Variants in CCDC68 observed in about 807,000 individuals in gnomAD.
CCDC68 encodes the protein coiled-coil domain-containing protein 68.
Under a neutral mutation model 47.1 loss-of-function variants are expected in CCDC68, and 45 were observed. The ratio of observed to expected loss-of-function variants is 0.96; its 90% CI spans 0.75 to 1.23. The LOEUF (loss-of-function observed/expected upper bound fraction) is 1.23, where lower values mean the gene tolerates loss of function less well. CCDC68 is among the 50% of genes most tolerant of loss of function. The pLI is 0.00. For synonymous variants in CCDC68, 131 were observed against 129.5 expected, an observed-to-expected ratio of 1.01 and a Z score of -0.08; for missense variants, 353 against 373.6, an observed-to-expected ratio of 0.94 and a Z score of 0.45.
intron 10 of CCDC68, among the ~76,000 whole-genome samples, chr18:54,908,677 G>C (rs576880834): frequency 6.6e-6 from 1 of 152,134 alleles, no homozygotes; most frequent in Non-Finnish European, 1.5e-5. Context: ...CTAGTGCCTG[G>C]CACAGATTTT....
chr18:54,910,797 A>T (rs1914315148), intron 10 of CCDC68, among the ~76,000 whole-genome samples: 1 of 152,176 alleles, frequency 6.6e-6, no homozygotes, highest in South Asian at 2.1e-4. Context: ...GCATGCACAC[A>T]CCCAGCTGAG....
At chr18:54,949,076 C>A (rs548013966) in intron 1 of CCDC68, among the ~76,000 whole-genome samples, 1 of 152,346 alleles carries the variant, frequency 6.6e-6, no homozygotes, top group South Asian at 2.1e-4. Context: ...TTACTTCAAC[C>A]TCTACTTCCT....
rs1208307128 is a variant in CCDC68, at chr18:54,929,075, T to C, written c.601-193A>G. On this transcript the variant is annotated intron_variant, in intron 7 of 11. Coordinates refer to ENST00000591504, the MANE Select transcript of CCDC68 (RefSeq NM_025214.3). ...ACATAGTTCAACTATAGGCCAAAAATAGTTGTCTTCACTCTCTCACCTGCC... is the reference window on the plus strand; with the variant it reads ...ACATAGTTCAACTATAGGCCAAAAACAGTTGTCTTCACTCTCTCACCTGCC... 2.6e-5 allele frequency among the ~76,000 whole-genome samples: 4 copies of C among 152,190 alleles called. No homozygotes were observed. The South Asian group carries it at 8.3e-4, about 32-fold the overall frequency.
intron 1 of CCDC68, among the ~76,000 whole-genome samples, chr18:54,951,635 A>C (rs1269388412): frequency 6.6e-6 from 1 of 152,168 alleles, no homozygotes; most frequent in African/African-American, 2.4e-5. Context: ...CTAAGCCTCA[A>C]CTTCTTGGGC....
intron 10 of CCDC68, among the ~76,000 whole-genome samples, chr18:54,912,365 A>G (rs1212573520): frequency 6.6e-6 from 1 of 152,230 alleles, no homozygotes; most frequent in Non-Finnish European, 1.5e-5. Flanking sequence ...AAACTGGCTA[A>G]GAAGAATTAA....
At position 54,928,755 on chromosome 18, in the gene CCDC68, A is replaced by G. The variant is rs375523292; in HGVS notation, c.683+45T>C. On this transcript the variant is annotated intron_variant, in intron 8 of 11. Transcript: ENST00000591504. The stretch of plus-strand genomic sequence containing the variant: ...CCTGGCTGGCATACCAGTGGACAGG[A>G]AAGAAATCAGGAACTGCCTTTACTT... 32 of 1,279,222 alleles carry G rather than the reference A, an allele frequency of 2.5e-5. No individual in the cohort carries two copies. The African/African-American group carries it at 4.4e-4, about 18-fold the overall frequency. The allele number at this position is 1,279,222 out of a possible 1,614,324, so 79.2% of individuals were successfully genotyped here.
intron 7 of CCDC68, among the ~76,000 whole-genome samples, chr18:54,929,605 G>A (rs1257657547): frequency 6.6e-6 from 1 of 152,112 alleles, no homozygotes; most frequent in African/African-American, 2.4e-5. Context: ...TGATGGTTTA[G>A]GTTGCCAAGT....
At chr18:54,922,166 T>C (rs1274379269) in intron 8 of CCDC68, among the ~76,000 whole-genome samples, 2 of 152,138 alleles carry the variant, frequency 1.3e-5, no homozygotes, top group African/African-American at 4.8e-5. Context: ...GTATTCACAT[T>C]AGATTTCAGT....
At position 54,942,755 on chromosome 18, in the gene CCDC68, T is replaced by C. The variant is rs751839692; in HGVS notation, c.37A>G (p.Arg13Gly). The C allele has an allele frequency of 9.3e-5, 150 of 1,612,234 alleles. No homozygotes were observed. Among genetic ancestry groups the C allele is most frequent in the Admixed American group, 5.7e-4 (34 of 59,706 alleles). ...GCAGAATTATCTTCCATCTTATCCC[T>C]TGGGGGAATTTCTGTGGTCACTGTC... ...TVTVTTEIPP[R>G]DKMEDNSALY... The change falls in exon 3 of 12, where the codon AGG (arginine) becomes GGG (glycine). Residue 13 changes from arginine to glycine, a missense_variant. Transcript: ENST00000591504.
chr18:54,909,247 T>C (rs1181847193), intron 10 of CCDC68, among the ~76,000 whole-genome samples: 1 of 152,188 alleles, frequency 6.6e-6, no homozygotes, highest in African/African-American at 2.4e-5. Context: ...CACACCCATA[T>C]AAAAGTGTCT....
At chr18:54,913,581 CA>C (rs1159460082) in intron 10 of CCDC68, among the ~76,000 whole-genome samples, 2 of 152,156 alleles carry the variant, frequency 1.3e-5, no homozygotes, top group African/African-American at 4.8e-5. Flanking sequence ...GCAGGAGGAT[CA>C]CTTGAGCCCA....
At chr18:54,928,019 A>G (rs2044174642) in intron 8 of CCDC68, among the ~76,000 whole-genome samples, 1 of 152,260 alleles carries the variant, frequency 6.6e-6, no homozygotes, top group African/African-American at 2.4e-5. Context: ...CTGATACCCT[A>G]GTGAACAACA....
intron 4 of CCDC68, among the ~76,000 whole-genome samples, chr18:54,938,931 C>A (rs2145567692): frequency 6.6e-6 from 1 of 152,276 alleles, no homozygotes; most frequent in South Asian, 2.1e-4. Flanking sequence ...TATGTACAGT[C>A]CTTTGTCTGA....
chr18:54,930,221 C>A (rs2044218616), intron 7 of CCDC68, among the ~76,000 whole-genome samples: 1 of 152,130 alleles, frequency 6.6e-6, no homozygotes, highest in Admixed American at 6.5e-5. Flanking sequence ...AACCAGCTTT[C>A]TCATCTTACT....
rs1383743104 is a variant in CCDC68 at position 54,904,224 on chromosome 18, G to A, written c.*134C>T. On this transcript the variant is annotated 3_prime_UTR_variant, in exon 12 of 12. Coordinates refer to ENST00000591504, the MANE Select transcript of CCDC68 (RefSeq NM_025214.3). ...TGATTTTCTGAAATGTCATCTTCTT[G>A]CAAAGCCATTGGTATGTAATAAGTT... 3.1e-6 allele frequency: 2 copies of A among 644,762 alleles called. No homozygotes were observed. Among genetic ancestry groups the A allele is most frequent in the Non-Finnish European group, 5.5e-6 (2 of 365,002 alleles). 39.9% of individuals were successfully genotyped at this position (644,762 alleles called of 1,614,324 possible). A position where few individuals can be genotyped will look rare whatever the true frequency, so the allele number is the denominator to read the frequency against.
In CCDC68 at chr18:54,938,024, T is replaced by C. The variant is rs1483303007; in HGVS notation, c.278A>G (p.Lys93Arg). ...CTGTAGGTCTTTTCCTTTTATCTTTTTCATAAGCAAATCCAAACTGCAACA... is the reference window on the plus strand; with the variant it reads ...CTGTAGGTCTTTTCCTTTTATCTTTCTCATAAGCAAATCCAAACTGCAACA... ...PSCCSLDLLM[K>R]KIKGKDLQLL... The change falls in exon 5 of 12, where the codon AAA (lysine) becomes AGA (arginine). Residue 93 changes from lysine (K) to arginine (R), a missense_variant. Physicochemically the swap from Lys to Arg is conservative, Grantham distance 26. Transcript: ENST00000591504. The C allele has an allele frequency of 1.9e-6, 3 of 1,613,804 alleles. No individual in the cohort carries two copies.
intron 10 of CCDC68, among the ~76,000 whole-genome samples, chr18:54,908,448 C>T (rs1056401526): frequency 6.6e-6 from 1 of 152,168 alleles, no homozygotes; most frequent in African/African-American, 2.4e-5. Context: ...TCTGGAAGCA[C>T]TCTCATAATT....
intron 4 of CCDC68, among the ~76,000 whole-genome samples, chr18:54,940,275 G>A (rs952051455): frequency 6.6e-6 from 1 of 152,154 alleles, no homozygotes; most frequent in African/African-American, 2.4e-5. Flanking sequence ...TCTACTTGGA[G>A]GTCTAACAGG....
intron 10 of CCDC68, among the ~76,000 whole-genome samples, chr18:54,910,825 C>A (rs868745815): frequency 4.6e-5 from 7 of 152,348 alleles, no homozygotes; most frequent in Middle Eastern, 3.4e-3. Context: ...AGTGCCTGGG[C>A]TTGGCCCCAA....
Sources: allele counts gnomAD v4.1 joint callset (sites outside exome capture counted in the v4.1 genomes callset), GRCh38; gene constraint gnomAD v4.1.1; transcripts MANE v1.5; gene names NCBI Gene and HGNC (gene_info 2026-07-23, HGNC 2026-07-21).